NLGN1: variants seen among roughly 807,000 people sequenced by gnomAD.
The protein encoded by NLGN1 is neuroligin 1.
Under a neutral mutation model 65.5 loss-of-function variants are expected in NLGN1, and 12 were observed. The observed-to-expected ratio is 0.18, with a 90% CI of 0.12 to 0.30. The LOEUF is 0.30. Among genes scored for constraint, NLGN1 ranks in the 10% least tolerant of loss-of-function variants. The pLI is 1.00. For synonymous variants in NLGN1, 350 were observed against 359.5 expected (o/e 0.97, Z 0.30); for missense variants, 750 against 1,007.1 (o/e 0.74, Z 3.46).
At chr3:173,664,834 C>G (rs1344050278) in intron 3 of NLGN1, among the ~76,000 whole-genome samples, 1 of 152,068 alleles carries the variant, frequency 6.6e-6, no homozygotes, top group Non-Finnish European at 1.5e-5. Context: ...GTGCTCTTTT[C>G]TCTAAATCAC....
intron 3 of NLGN1, among the ~76,000 whole-genome samples, chr3:173,735,931 A>T (rs1773672446): frequency 1.3e-5 from 2 of 152,088 alleles, no homozygotes; most frequent in Non-Finnish European, 2.9e-5. Flanking sequence ...CATGTTATAA[A>T]AATATATATT....
chr3:174,160,129 ACAGAAGC>A (rs1206887057), intron 4 of NLGN1, among the ~76,000 whole-genome samples: 5 of 151,584 alleles, frequency 3.3e-5, no homozygotes, highest in African/African-American at 1.2e-4. Flanking sequence ...TGCTCTATAA[ACAGAAGC>A]CATTACTTTT....
chr3:173,813,256 G>T (rs548562041), intron 4 of NLGN1, among the ~76,000 whole-genome samples: 1 of 152,094 alleles, frequency 6.6e-6, no homozygotes, highest in Admixed American at 6.5e-5. Flanking sequence ...AATTGTTTTT[G>T]TTTCTGTCTG....
Position 173,662,288 on chromosome 3 carries a change from T to A in NLGN1, c.493+57197T>A, listed in dbSNP as rs556377301. On this transcript the variant is annotated intron_variant, in intron 3 of 6. Coordinates refer to ENST00000457714, the Ensembl canonical transcript of NLGN1. ...AATACATACGGCAGTAATAATGAACTGAGACTAAAATAATTTGCTTCTAGA... is the reference window on the plus strand; with the variant it reads ...AATACATACGGCAGTAATAATGAACAGAGACTAAAATAATTTGCTTCTAGA... Among the ~76,000 whole-genome samples, 43 of 152,124 alleles carry A rather than the reference T, an allele frequency of 2.8e-4. 2 individuals are homozygous for A. The highest frequency in any genetic ancestry group is 9.6e-4 in the African/African-American group (40 of 41,560).
chr3:173,966,535 A>G (rs1334568042), intron 4 of NLGN1, among the ~76,000 whole-genome samples: 3 of 152,188 alleles, frequency 2.0e-5, no homozygotes, highest in African/African-American at 7.2e-5. Context: ...AAAACTGTAG[A>G]TATCGGTTTA....
In NLGN1 at chr3:174,133,893, A is replaced by AACACACACACACACACACACAC. The variant is rs5854553; in HGVS notation, c.647-141410_647-141389dup. ...ATCTCTCCCCCACCACACCCCACAA[A>AACACACACACACACACACACAC]ACACACACACACACACACACACACA... On this transcript the variant is annotated intron_variant, in intron 4 of 6. Coordinates refer to ENST00000457714, the Ensembl canonical transcript of NLGN1. Among the ~76,000 whole-genome samples, 1,083 of 144,852 alleles carry AACACACACACACACACACACAC rather than the reference A, an allele frequency of 7.5e-3. 10 individuals are homozygous for AACACACACACACACACACACAC. Among genetic ancestry groups the AACACACACACACACACACACAC allele is most frequent in the Non-Finnish European group, 0.012 (786 of 66,216 alleles).
intron 1 of NLGN1, among the ~76,000 whole-genome samples, chr3:173,426,338 A>C (rs1318389930): frequency 6.6e-6 from 1 of 151,724 alleles, no homozygotes; most frequent in Non-Finnish European, 1.5e-5. Flanking sequence ...TCTGTTACCT[A>C]ATTGCTCTAG....
At chr3:173,988,655 C>A (rs1051773017) in intron 4 of NLGN1, among the ~76,000 whole-genome samples, 1 of 152,104 alleles carries the variant, frequency 6.6e-6, no homozygotes, top group African/African-American at 2.4e-5. Flanking sequence ...GCTATGCAGG[C>A]AGAAATTAAC....
At chr3:174,260,338 C>T (rs1056196389) in intron 4 of NLGN1, among the ~76,000 whole-genome samples, 2 of 148,986 alleles carry the variant, frequency 1.3e-5, no homozygotes, top group Non-Finnish European at 3.0e-5. Flanking sequence ...ACATCCTCTC[C>T]AGCACCTGTT....
chr3:173,610,395 C>T (rs910778752), intron 3 of NLGN1, among the ~76,000 whole-genome samples: 7 of 151,796 alleles, frequency 4.6e-5, no homozygotes, highest in African/African-American at 1.7e-4. Flanking sequence ...CATCAAAAAG[C>T]CAGTTTCTTG....
intron 2 of NLGN1, among the ~76,000 whole-genome samples, chr3:173,582,515 T>C (rs759014778): frequency 9.2e-5 from 14 of 152,110 alleles, no homozygotes; most frequent in Non-Finnish European, 1.5e-4. Flanking sequence ...AACAAAAATC[T>C]CATTATTTTG....
intron 2 of NLGN1, among the ~76,000 whole-genome samples, chr3:173,567,542 T>G (rs1262687694): frequency 6.6e-6 from 1 of 151,820 alleles, no homozygotes; most frequent in Non-Finnish European, 1.5e-5. Context: ...TAATTGAAAT[T>G]ATAGCACAAA....
chr3:174,143,869 T>G (rs1205960970), intron 4 of NLGN1, among the ~76,000 whole-genome samples: 1 of 152,230 alleles, frequency 6.6e-6, no homozygotes, highest in Non-Finnish European at 1.5e-5. Context: ...CCAATTTTTT[T>G]TAATTTTAGA....
chr3:173,820,049 TGC>T, intron 4 of NLGN1, among the ~76,000 whole-genome samples: 1 of 152,048 alleles, frequency 6.6e-6, no homozygotes, highest in Non-Finnish European at 1.5e-5. Context: ...GCGTGGTGGC[TGC>T]GCCTGTAGTC....
chr3:173,996,852 T>G (rs1560805130), intron 4 of NLGN1, among the ~76,000 whole-genome samples: 1 of 152,162 alleles, frequency 6.6e-6, no homozygotes. Context: ...GGGAGGTGGT[T>G]GGGGAACACC....
rs556064418 is a variant in NLGN1, at chr3:173,551,780, A to T, written c.-320-52499A>T. On this transcript the variant is annotated intron_variant, in intron 2 of 6. Coordinates refer to ENST00000457714, the Ensembl canonical transcript of NLGN1. ...TACTCATGTGACCCCCACACAAGCT[A>T]CTTCACATCTCTGAACTTACGTTTT... Among the ~76,000 whole-genome samples the T allele has an allele frequency of 3.7e-4, 57 of 152,246 alleles. No individual in the cohort carries two copies. The South Asian group carries it at 0.012, about 32-fold the overall frequency.
rs200370524 is a variant in NLGN1, at chr3:173,926,985, A to AT, written c.646+119160dup. ...CTCTTTTATCCAGATGTGGCAAATG[A>AT]TTTTTTTCTCCCCATGATCAGCAAA... is the stretch of plus-strand genomic sequence containing the variant. On this transcript the variant is annotated intron_variant, in intron 4 of 6. Transcript: ENST00000457714. Among the ~76,000 whole-genome samples the AT allele has an allele frequency of 1.0e-3, 153 of 152,130 alleles. 2 individuals are homozygous for AT. The East Asian group carries it at 0.025, about 25-fold the overall frequency.
intron 2 of NLGN1, among the ~76,000 whole-genome samples, chr3:173,507,018 CTCT>C (rs1732139889): frequency 6.6e-6 from 1 of 152,122 alleles, no homozygotes; most frequent in Non-Finnish European, 1.5e-5. Flanking sequence ...TTCGTCCTTA[CTCT>C]TCTTTGCACC....
chr3:173,718,864 A>G lies in NLGN1; in HGVS notation c.494-88816A>G, dbSNP rs1221084329. Among the ~76,000 whole-genome samples the G allele has an allele frequency of 2.6e-5, 4 of 152,340 alleles. No homozygotes were observed. In the East Asian group the frequency reaches 7.7e-4, roughly 29 times the overall value. The stretch of plus-strand genomic sequence containing the variant: ...AGAAACTTTCCTGTTTTTAAACAAT[A>G]ATGTGTAGGTTTTATGATTGGTGAA... On this transcript the variant is annotated intron_variant, in intron 3 of 6. Transcript: ENST00000457714.
Sources: gnomAD v4.1 joint callset for allele counts (sites outside exome capture counted in the v4.1 genomes callset) on GRCh38, gnomAD v4.1.1 for gene constraint, MANE v1.5 for transcripts, NCBI Gene and HGNC (gene_info 2026-07-23, HGNC 2026-07-21) for gene names.